ROPN1L: variants seen among roughly 807,000 people sequenced by gnomAD.
The protein encoded by ROPN1L is rhophilin associated tail protein 1 like, also known as ropporin-1-like protein.
Under a neutral mutation model 22.7 loss-of-function variants are expected in ROPN1L, and 23 were observed. The ratio of observed to expected loss-of-function variants is 1.01; its 90% CI spans 0.73 to 1.43. The LOEUF is 1.43. ROPN1L is among the 40% of genes most tolerant of loss of function. The probability of loss-of-function intolerance (pLI) is 0.00; values close to 1 mark genes in which losing one functional copy is unlikely to be tolerated. For missense variants in ROPN1L, 271 were observed against 291.5 expected, an observed-to-expected ratio of 0.93 and a Z score of 0.51; for synonymous variants, 116 against 117.8, an observed-to-expected ratio of 0.98 and a Z score of 0.10.
intron 4 of ROPN1L, among the ~76,000 whole-genome samples, chr5:10,462,814 G>C (rs953739301): frequency 2.0e-5 from 3 of 152,158 alleles, no homozygotes; most frequent in South Asian, 2.1e-4. Flanking sequence ...TTGAGCCCTG[G>C]GGGGGCAGAG....
downstream of ROPN1L, among the ~76,000 whole-genome samples, chr5:10,473,352 G>A (rs558147871): frequency 6.6e-6 from 1 of 152,140 alleles, no homozygotes; most frequent in Admixed American, 6.6e-5. Flanking sequence ...AAAGGCAGAG[G>A]GGAGTTTGAG....
chr5:10,461,488 G>C, intron 4 of ROPN1L, 129 bp downstream of exon 4: 1 of 791,854 alleles, frequency 1.3e-6, no homozygotes, highest in Non-Finnish European at 2.1e-6. Flanking sequence ...CAACACAGAA[G>C]ACTGCTATGA....
At chr5:10,458,786 C>T (rs1292799324) in intron 3 of ROPN1L, among the ~76,000 whole-genome samples, 3 of 61,598 alleles carry the variant, frequency 4.9e-5, no homozygotes, top group African/African-American at 1.5e-4. Flanking sequence ...CACCATTCCC[C>T]CGTGTACACC....
downstream of ROPN1L, among the ~76,000 whole-genome samples, chr5:10,466,261 T>C (rs1364964398): frequency 6.6e-6 from 1 of 152,122 alleles, no homozygotes; most frequent in African/African-American, 2.4e-5. Context: ...ATGACGACTT[T>C]GGGGACAGCT....
At chr5:10,481,657 T>G in the ROPN1L span, among the ~76,000 whole-genome samples, 2 of 152,204 alleles carry the variant, frequency 1.3e-5, no homozygotes, top group African/African-American at 4.8e-5. Context: ...ATGTTTGCAC[T>G]GGTTCCCTAT....
At chr5:10,482,312 G>T in the ROPN1L span, 1 of 151,622 alleles carries the variant, frequency 6.6e-6, no homozygotes, top group Non-Finnish European at 1.5e-5. Flanking sequence ...AACGAAAACC[G>T]TAAAAGATAA....
rs1428995877 is a variant in ROPN1L, at chr5:10,442,296, G to T, written c.129G>T (p.Ala43=). The part of the protein sequence containing the change: ...TQPADVLRWS[A]GYFSALSRGD... ...CGGCCGACGTGCTGCGGTGGTCCGC[G>T]GGGTAAGCGCCCTTGGCCCGGGGAG... Residue 43 remains alanine (A), a splice_region_variant and synonymous_variant, in exon 1 of 5, where the codon GCG becomes GCT. Transcript: ENST00000274134. 4 of 1,612,918 alleles carry T rather than the reference G, an allele frequency of 2.5e-6. No homozygotes were observed. In the Admixed American group the frequency reaches 5.0e-5, roughly 20 times the overall value.
rs760840568 is a variant in ROPN1L, at chr5:10,449,968, A to G, written c.272A>G (p.Tyr91Cys). ...VLHKQCHHKRYVELTDLEQKW... is the reference protein window; with the variant it reads ...VLHKQCHHKRCVELTDLEQKW... The stretch of plus-strand genomic sequence containing the variant: ...TCCAAACAGTGTCACCACAAGCGGT[A>G]TGTGGAATTAACAGATCTTGAGCAG... The change falls in exon 3 of 5, where the codon TAT becomes TGT. Residue 91 changes from tyrosine to cysteine, a missense_variant. Tyr to Cys is a radical substitution (Grantham distance 194). Transcript: ENST00000274134. 5 of 1,610,986 alleles carry G rather than the reference A, an allele frequency of 3.1e-6. No individual in the cohort carries two copies. The highest frequency in any genetic ancestry group is 2.2e-5 in the East Asian group (1 of 44,706).
At chr5:10,458,939 T>C (rs1282924921) in intron 3 of ROPN1L, among the ~76,000 whole-genome samples, 1 of 72,326 alleles carries the variant, frequency 1.4e-5, no homozygotes, top group Middle Eastern at 6.8e-3. Flanking sequence ...GTGTACACCA[T>C]CCCGCCCGTG....
chr5:10,461,725 C>G (rs1735033838), intron 4 of ROPN1L, among the ~76,000 whole-genome samples: 1 of 152,214 alleles, frequency 6.6e-6, no homozygotes, highest in Non-Finnish European at 1.5e-5. Flanking sequence ...GGCTCTAAAT[C>G]AGGGTTCCCA....
chr5:10,469,185 A>G (rs745878121), downstream of ROPN1L, among the ~76,000 whole-genome samples: 1 of 151,482 alleles, frequency 6.6e-6, no homozygotes, highest in Non-Finnish European at 1.5e-5. Context: ...TCTGAAGATG[A>G]TGGAGCGTTT....
At chr5:10,466,766 A>G (rs1383432363), downstream of ROPN1L, among the ~76,000 whole-genome samples, 2 of 152,162 alleles carry the variant, frequency 1.3e-5, no homozygotes, top group Non-Finnish European at 2.9e-5. Context: ...AGCATTCTGT[A>G]TGAATCGGTG....
intron 3 of ROPN1L, among the ~76,000 whole-genome samples, chr5:10,451,033 G>A (rs141660881): frequency 8.2e-4 from 125 of 152,296 alleles, no homozygotes; most frequent in Non-Finnish European, 2.4e-4. Context: ...GTGGTTGGGT[G>A]AAGGAAGAGT....
intron 3 of ROPN1L, among the ~76,000 whole-genome samples, chr5:10,452,132 C>G (rs1478660056): frequency 1.3e-5 from 2 of 151,752 alleles, no homozygotes; most frequent in African/African-American, 4.8e-5. Context: ...AGGCATGCAC[C>G]ACCATGCTCA....
At chr5:10,462,118 A>T (rs993430773) in intron 4 of ROPN1L, among the ~76,000 whole-genome samples, 1 of 152,190 alleles carries the variant, frequency 6.6e-6, no homozygotes, top group Admixed American at 6.5e-5. Flanking sequence ...GGCTGGGCTG[A>T]AAGTCCCACC....
At chr5:10,465,465 A>C (rs1427016870), downstream of ROPN1L, among the ~76,000 whole-genome samples, 1 of 151,506 alleles carries the variant, frequency 6.6e-6, no homozygotes, top group Non-Finnish European at 1.5e-5. Context: ...CAGTGAGCCG[A>C]GATCGCGCCA....
rs781546950 is a variant in ROPN1L, at chr5:10,448,278, G to A, written c.150G>A (p.Ser50=). Residue 50 remains serine (S), a synonymous_variant, in exon 2 of 5, where the codon TCG becomes TCA. Transcript: ENST00000274134. ...RWSAGYFSAL[S]RGDPLPVKDR... ...TTATTAGCTATTTTTCAGCTCTGTC[G>A]AGAGGAGATCCACTTCCTGTAAAGG... The A allele has an allele frequency of 1.3e-5, 21 of 1,614,114 alleles. No homozygotes were observed. Among genetic ancestry groups the A allele is most frequent in the East Asian group, 4.5e-5 (2 of 44,874 alleles).
At chr5:10,459,109 G>C (rs933914897) in intron 3 of ROPN1L, among the ~76,000 whole-genome samples, 7 of 151,444 alleles carry the variant, frequency 4.6e-5, no homozygotes, top group Non-Finnish European at 1.0e-4. Context: ...CCCAAACTCA[G>C]CTTCTCTCTG....
chr5:10,448,239 G>T, intron 1 of ROPN1L, 21 bp from the exon 2 acceptor site: 1 of 1,613,622 alleles, frequency 6.2e-7, no homozygotes, highest in South Asian at 1.1e-5. Context: ...TGAGCTTTCA[G>T]AGATGTCTGT....
Sources: allele counts gnomAD v4.1 joint callset (sites outside exome capture counted in the v4.1 genomes callset), GRCh38; gene constraint gnomAD v4.1.1; transcripts MANE v1.5; gene names NCBI Gene and HGNC (gene_info 2026-07-23, HGNC 2026-07-21).